The following MTFR1 variants were observed in gnomAD, a reference collection of about 807,000 sequenced individuals.
MTFR1 encodes mitochondrial fission regulator 1.
MTFR1 carries 28 observed loss-of-function variants against 38.8 expected under a neutral mutation model. The observed-to-expected ratio is 0.72, with a 90% CI of 0.53 to 0.99. The LOEUF (loss-of-function observed/expected upper bound fraction) is 0.99, where lower values mean the gene tolerates loss of function less well. MTFR1 is among the 50% of genes least tolerant of loss of function. MTFR1 has a pLI of 0.00. For synonymous variants in MTFR1, 145 were observed against 137.0 expected, an observed-to-expected ratio of 1.06 and a Z score of -0.41; for missense variants, 358 against 395.5, an observed-to-expected ratio of 0.91 and a Z score of 0.81.
rs182092103 is a variant in MTFR1, at chr8:65,683,566, C to T, written c.165+1115C>T. On this transcript the variant is annotated intron_variant, in intron 3 of 7. Transcript: ENST00000262146. ...ATATAAAATTCAACAGATATCTCTG[C>T]CACTTTTAAATAATAGATTAACATG... 2.1e-3 allele frequency among the ~76,000 whole-genome samples: 324 copies of T among 152,266 alleles called. 1 individual carries two copies. Among genetic ancestry groups the T allele is most frequent in the Non-Finnish European group, 3.3e-3 (226 of 68,026 alleles).
At chr8:65,684,376 A>T (rs1476617988) in intron 3 of MTFR1, among the ~76,000 whole-genome samples, 1 of 151,562 alleles carries the variant, frequency 6.6e-6, no homozygotes, top group East Asian at 1.9e-4. Flanking sequence ...TTGTATTTCC[A>T]GTTATATTGA....
At chr8:65,738,208 A>T (rs1807238077) in intron 3 of MTFR1, among the ~76,000 whole-genome samples, 1 of 152,234 alleles carries the variant, frequency 6.6e-6, no homozygotes, top group African/African-American at 2.4e-5. Context: ...ATAAAATGCT[A>T]ATCATTATGT....
Position 65,707,996 on chromosome 8 carries a change from C to A in MTFR1, c.918C>A (p.Thr306=). Reference sequence around the variant, plus strand: ...TTCCAAAGTCTGAATCAGAGGCCACCTCAGAGAGAGTGTTGGTGAGTTATT... The same window carrying A: ...TTCCAAAGTCTGAATCAGAGGCCACATCAGAGAGAGTGTTGGTGAGTTATT... ...KGIPKSESEA[T]SERVLFGPHM... is the part of the protein sequence containing the mutation. The change falls in exon 7 of 8, where the codon ACC becomes ACA. Residue 306 remains threonine (T), a synonymous_variant. Coordinates refer to ENST00000262146, the MANE Select transcript of MTFR1 (RefSeq NM_014637.4). 1 of 1,612,474 alleles carries A rather than the reference C, an allele frequency of 6.2e-7. No homozygotes were observed.
rs186543460 is a variant in MTFR1 at position 65,761,015 on chromosome 8, C to A, written c.*49-9932C>A. 8.3e-4 allele frequency among the ~76,000 whole-genome samples: 126 copies of A among 152,220 alleles called. 1 individual carries two copies. The highest frequency in any genetic ancestry group is 2.9e-3 in the Admixed American group (45 of 15,302). On this transcript the variant is annotated intron_variant, in intron 3 of 3. Transcript: ENST00000521247. The stretch of plus-strand genomic sequence containing the variant: ...CCGAACAATTACTAAAAAGCTCACC[C>A]TCTGGCTGTATTACACAATATCTGA...
chr8:65,709,187 T>A lies in MTFR1; in HGVS notation c.*143T>A. 1 of 736,374 alleles carries A rather than the reference T, an allele frequency of 1.4e-6. No homozygotes were observed. Among genetic ancestry groups the A allele is most frequent in the Non-Finnish European group, 2.3e-6 (1 of 437,288 alleles). 45.6% of individuals were successfully genotyped at this position (736,374 alleles called of 1,614,324 possible). A position where few individuals can be genotyped will look rare whatever the true frequency, so the allele number is the denominator to read the frequency against. On this transcript the variant is annotated 3_prime_UTR_variant, in exon 8 of 8. Transcript: ENST00000262146. The stretch of plus-strand genomic sequence containing the variant: ...TCAGGCTAATTAGTGGATTAAGCAA[T>A]AATGAAAGCACTAAGTTTGGTTTTG...
chr8:65,768,008 G>C (rs942999804), intron 3 of MTFR1, among the ~76,000 whole-genome samples: 1 of 152,074 alleles, frequency 6.6e-6, no homozygotes, highest in Non-Finnish European at 1.5e-5. Context: ...CCCTTAACCT[G>C]TGGGGTCTGA....
intron 3 of MTFR1, among the ~76,000 whole-genome samples, chr8:65,731,160 A>T (rs997084542): frequency 6.6e-6 from 1 of 152,176 alleles, no homozygotes; most frequent in Non-Finnish European, 1.5e-5. Flanking sequence ...TATGTTTTAC[A>T]AGTAAGATTC....
At chr8:65,665,574 GTCATAATTTCTC>G (rs1804357870) in intron 1 of MTFR1, among the ~76,000 whole-genome samples, 1 of 152,258 alleles carries the variant, frequency 6.6e-6, no homozygotes, top group East Asian at 1.9e-4. Flanking sequence ...TTATATGATA[GTCATAATTTCTC>G]TCATCTCCAA....
rs558978550 is a variant in MTFR1 at position 65,706,314 on chromosome 8, C to CT, written c.518-692dup. On this transcript the variant is annotated intron_variant, in intron 5 of 7. Transcript: ENST00000262146. Reference sequence around the variant, plus strand: ...TAAGCTGAAACTTTTGAGTAAAAATCTTTTACATCAACACCTCCCCAATCA... The same window carrying CT: ...TAAGCTGAAACTTTTGAGTAAAAATCTTTTTACATCAACACCTCCCCAATCA... Among the ~76,000 whole-genome samples, 48 of 152,304 alleles carry CT rather than the reference C, an allele frequency of 3.2e-4. No individual in the cohort carries two copies. In the South Asian group the frequency reaches 9.9e-3, roughly 32 times the overall value.
At chr8:65,651,159 T>C (rs1809113384) in intron 1 of MTFR1, among the ~76,000 whole-genome samples, 1 of 152,250 alleles carries the variant, frequency 6.6e-6, no homozygotes, top group African/African-American at 2.4e-5. Context: ...TTCTTTCCTA[T>C]TGAATTGTTT....
chr8:65,734,522 G>A (rs187777688), intron 3 of MTFR1, among the ~76,000 whole-genome samples: 3 of 152,258 alleles, frequency 2.0e-5, no homozygotes. Context: ...TGGAGCCCAT[G>A]TGGAGCTCAG....
At chr8:65,751,030 T>C (rs1340733185) in intron 3 of MTFR1, among the ~76,000 whole-genome samples, 2 of 152,148 alleles carry the variant, frequency 1.3e-5, no homozygotes, top group African/African-American at 4.8e-5. Flanking sequence ...ACCACCCTTA[T>C]CAATTACTGA....
chr8:65,723,565 C>T (rs1806481730), intron 3 of MTFR1: 3 of 1,582,644 alleles, frequency 1.9e-6, no homozygotes, highest in South Asian at 1.2e-5. Context: ...GCAATAGATT[C>T]AGTGTGACGA....
At chr8:65,737,860 T>C (rs1324634446) in intron 3 of MTFR1, among the ~76,000 whole-genome samples, 2 of 152,206 alleles carry the variant, frequency 1.3e-5, no homozygotes, top group Non-Finnish European at 2.9e-5. Context: ...CATCTTAACT[T>C]ATTTTATAGT....
At position 65,693,387 on chromosome 8, in the gene MTFR1, G is replaced by A. The variant is rs372211691; in HGVS notation, c.166-257G>A. Among the ~76,000 whole-genome samples, 43 of 151,534 alleles carry A rather than the reference G, an allele frequency of 2.8e-4. 1 individual carries two copies. The East Asian group carries it at 6.2e-3, about 22-fold the overall frequency. On this transcript the variant is annotated intron_variant, in intron 3 of 7. Coordinates refer to ENST00000262146, the MANE Select transcript of MTFR1 (RefSeq NM_014637.4). Reference sequence around the variant, plus strand: ...ACTGCACTCCAGCCTGGGCGACAGAGCTAGACTTTGTCTCAAAAAAAAAAA... The same window carrying A: ...ACTGCACTCCAGCCTGGGCGACAGAACTAGACTTTGTCTCAAAAAAAAAAA...
At chr8:65,747,872 A>G in intron 3 of MTFR1, 1 of 888,804 alleles carries the variant, frequency 1.1e-6, no homozygotes. Context: ...TTGCAATACC[A>G]CTTTTAGTTA....
At chr8:65,748,569 T>C (rs557209133) in intron 3 of MTFR1, among the ~76,000 whole-genome samples, 13 of 152,338 alleles carry the variant, frequency 8.5e-5, no homozygotes, top group African/African-American at 2.9e-4. Flanking sequence ...ACGTTATCTT[T>C]AGATTCTAAA....
rs1024212906 is a variant in MTFR1, at chr8:65,767,702, C to T, written c.*49-3245C>T. Among the ~76,000 whole-genome samples, 5 of 152,268 alleles carry T rather than the reference C, an allele frequency of 3.3e-5. No individual in the cohort carries two copies. The South Asian group carries it at 8.3e-4, about 25-fold the overall frequency. On this transcript the variant is annotated intron_variant, in intron 3 of 3. Coordinates refer to the MTFR1 transcript ENST00000521247. The stretch of plus-strand genomic sequence containing the variant: ...TTCTGGGTGCTTCCACATAGCTTAA[C>T]ATGTAGAGTTTCTTGGAGGGTGGCG...
chr8:65,724,802 G>A (rs753179314), intron 3 of MTFR1: 16 of 1,608,568 alleles, frequency 9.9e-6, no homozygotes, highest in Non-Finnish European at 1.1e-5. Context: ...TCTGTGTCTG[G>A]TGTCTTCTAG....
Sources: allele counts gnomAD v4.1 joint callset (sites outside exome capture counted in the v4.1 genomes callset), GRCh38; gene constraint gnomAD v4.1.1; transcripts MANE v1.5; gene names NCBI Gene and HGNC (gene_info 2026-07-23, HGNC 2026-07-21).